Variants in COL6A6 observed in about 807,000 individuals in gnomAD.
COL6A6 encodes the protein collagen alpha-6(VI) chain.
Under a neutral mutation model 208.6 loss-of-function variants are expected in COL6A6, and 183 were observed. The ratio of observed to expected loss-of-function variants is 0.88; its 90% CI spans 0.78 to 0.99. The LOEUF (loss-of-function observed/expected upper bound fraction) is 0.99, where lower values mean the gene tolerates loss of function less well. COL6A6 is among the 50% of genes least tolerant of loss of function. The pLI is 0.00. For synonymous variants in COL6A6, 973 were observed against 1,011.8 expected, an observed-to-expected ratio of 0.96 and a Z score of 0.73; for missense variants, 2,816 against 2,815.2, an observed-to-expected ratio of 1.00 and a Z score of -0.01.
At chr3:130,604,490 G>T (rs1302827072) in intron 20 of COL6A6, among the ~76,000 whole-genome samples, 1 of 137,206 alleles carries the variant, frequency 7.3e-6, no homozygotes, top group Non-Finnish European at 1.5e-5. Context: ...GCGAGACTCC[G>T]TCTCAAAAAA....
Position 130,610,686 on chromosome 3 carries a change from G to A in COL6A6, c.4790G>A (p.Gly1597Glu). 2 of 1,591,772 alleles carry A rather than the reference G, an allele frequency of 1.3e-6. No individual in the cohort carries two copies. The highest frequency in any genetic ancestry group is 1.7e-6 in the Non-Finnish European group (2 of 1,168,398). Residue 1597 changes from glycine (G) to glutamate (E), a missense_variant, in exon 23 of 37, where the codon GGA (glycine) becomes GAA (glutamate). By Grantham distance (98) the Gly-to-Glu change is moderately conservative. Transcript: ENST00000358511. Reference protein sequence around the residue: ...RGEAGVKGEKGGVGSKGPQGP... With the variant: ...RGEAGVKGEKEGVGSKGPQGP... Reference sequence around the variant, plus strand: ...GAGGCTGGTGTGAAAGGAGAAAAAGGAGGTGTGGGAAGTAAAGGTCCCCAG... The same window carrying A: ...GAGGCTGGTGTGAAAGGAGAAAAAGAAGGTGTGGGAAGTAAAGGTCCCCAG...
chr3:130,653,796 G>A (rs2065711204), intron 33 of COL6A6, among the ~76,000 whole-genome samples: 1 of 152,126 alleles, frequency 6.6e-6, no homozygotes, highest in Admixed American at 6.5e-5. Flanking sequence ...TTGACTGAAA[G>A]ATTACTTGGT....
intron 1 of COL6A6, among the ~76,000 whole-genome samples, chr3:130,541,421 G>T (rs1162422993): frequency 6.6e-6 from 1 of 152,172 alleles, no homozygotes; most frequent in East Asian, 1.9e-4. Flanking sequence ...CCAAGTTTAG[G>T]CAATTACTAA....
intron 1 of COL6A6, among the ~76,000 whole-genome samples, chr3:130,519,867 C>A (rs1022455946): frequency 1.3e-5 from 2 of 152,160 alleles, no homozygotes; most frequent in Non-Finnish European, 2.9e-5. Flanking sequence ...CTATTGAGCC[C>A]AATTTTATCC....
intron 36 of COL6A6, among the ~76,000 whole-genome samples, chr3:130,669,713 A>T (rs2066163932): frequency 1.3e-5 from 2 of 152,218 alleles, no homozygotes; most frequent in Non-Finnish European, 2.9e-5. Flanking sequence ...AATATTTTTT[A>T]AAAATTAAGA....
In COL6A6 at chr3:130,624,066, C is replaced by T. The variant is rs114951829; in HGVS notation, c.4878+2183C>T. On this transcript the variant is annotated intron_variant, in intron 24 of 36. Transcript: ENST00000358511. ...GGACTGCAAAGGACCGAGAAATGTG[C>T]GAGGAGAAAATGGATAAAAAGCTGT... Among the ~76,000 whole-genome samples, 579 of 151,714 alleles carry T rather than the reference C, an allele frequency of 3.8e-3. 5 individuals are homozygous for T. Among genetic ancestry groups the T allele is most frequent in the African/African-American group, 0.013 (554 of 41,342 alleles).
intron 20 of COL6A6, among the ~76,000 whole-genome samples, chr3:130,603,615 C>T (rs1449914597): frequency 1.3e-5 from 2 of 152,282 alleles, no homozygotes; most frequent in South Asian, 2.1e-4. Flanking sequence ...TAATGAGAAG[C>T]AACTGTAGCC....
chr3:130,675,239 GATGT>G lies in COL6A6; in HGVS notation c.6637_6640del (p.Val2213TyrfsTer16). 6.3e-7 allele frequency: 1 copy of G among 1,586,816 alleles called. No homozygotes were observed. The highest frequency in any genetic ancestry group is 2.3e-5 in the East Asian group (1 of 44,244). On this transcript the variant is annotated frameshift_variant, in exon 37 of 37. Coordinates refer to ENST00000358511, the MANE Select transcript of COL6A6 (RefSeq NM_001102608.3). LOFTEE classifies it low-confidence loss of function (END_TRUNC). ...ACCACTTAAAGCTACCCTCAAAGAA[GATGT>G]ATTACAGAAGGCAAAATTCTTTCAA...
In COL6A6 at chr3:130,608,947, G is replaced by T; in HGVS notation, c.4735G>T (p.Gly1579Ter). The change falls in exon 22 of 37, where the codon GGA becomes TGA. Residue 1579 changes from glycine (G) to a stop codon, truncating the protein, a stop_gained. Transcript: ENST00000358511. LOFTEE classifies it high-confidence loss of function. ...ACCAGATGGACTTGAAGGCTCCCTG[G>T]GACTTAAGGGCCCTCAGGTACATAT... ...PGPDGLEGSLGLKGPQGPRGE... is the reference protein window; with the variant it reads ...PGPDGLEGSL 1.2e-6 allele frequency: 2 copies of T among 1,612,802 alleles called. No homozygotes were observed. Among genetic ancestry groups the T allele is most frequent in the Non-Finnish European group, 1.7e-6 (2 of 1,179,256 alleles).
chr3:130,638,409 C>T (rs764088576), intron 28 of COL6A6, among the ~76,000 whole-genome samples: 6 of 152,182 alleles, frequency 3.9e-5, no homozygotes, highest in Non-Finnish European at 5.9e-5. Context: ...AACTTAATCC[C>T]AACGCAGAGC....
intron 20 of COL6A6, among the ~76,000 whole-genome samples, chr3:130,605,792 G>A (rs944813826): frequency 1.3e-5 from 2 of 152,198 alleles, no homozygotes; most frequent in African/African-American, 4.8e-5. Context: ...CCATGTGGCT[G>A]GGGAGGCCCC....
intron 36 of COL6A6, among the ~76,000 whole-genome samples, chr3:130,673,295 A>C (rs965328027): frequency 2.0e-5 from 3 of 151,996 alleles, no homozygotes; most frequent in African/African-American, 7.2e-5. Flanking sequence ...ATATGGTATT[A>C]ATGTTCAACC....
chr3:130,552,142 A>G (rs1045761727), intron 1 of COL6A6, among the ~76,000 whole-genome samples: 1 of 152,128 alleles, frequency 6.6e-6, no homozygotes, highest in Non-Finnish European at 1.5e-5. Flanking sequence ...AGTTCTATGT[A>G]TGTCTATTAG....
chr3:130,538,542 C>G lies in COL6A6; in HGVS notation c.-32+21145C>G, dbSNP rs549872462. Among the ~76,000 whole-genome samples the G allele has an allele frequency of 3.9e-5, 6 of 152,282 alleles. No individual in the cohort carries two copies. The South Asian group carries it at 1.0e-3, about 26-fold the overall frequency. On this transcript the variant is annotated intron_variant, in intron 1 of 36. Transcript: ENST00000358511. ...GTTTACACACATCAGTTCATTTAACCCCCAAAACAATTCCTTGAAGTGGAT... is the reference window on the plus strand; with the variant it reads ...GTTTACACACATCAGTTCATTTAACGCCCAAAACAATTCCTTGAAGTGGAT...
At chr3:130,600,312 C>A (rs1319033204) in intron 20 of COL6A6, among the ~76,000 whole-genome samples, 13 of 152,126 alleles carry the variant, frequency 8.5e-5, no homozygotes, top group Non-Finnish European at 1.3e-4. Context: ...TATGACAATT[C>A]CTCAAGGATC....
intron 1 of COL6A6, among the ~76,000 whole-genome samples, chr3:130,559,426 G>A (rs937590156): frequency 6.6e-6 from 1 of 152,156 alleles, no homozygotes; most frequent in African/African-American, 2.4e-5. Context: ...AAACAGGGAT[G>A]GAACTTCTCA....
chr3:130,622,400 A>T (rs1212703623), intron 24 of COL6A6, among the ~76,000 whole-genome samples: 1 of 152,146 alleles, frequency 6.6e-6, no homozygotes, highest in Non-Finnish European at 1.5e-5. Flanking sequence ...GTAAATATTG[A>T]ATAAATGAAT....
Position 130,563,568 on chromosome 3 carries a change from G to A in COL6A6, c.565G>A (p.Val189Ile), listed in dbSNP as rs543636468. The part of the protein sequence containing the change: ...TSQFHFNLRT[V>I]RDLSMFSQNM... The stretch of plus-strand genomic sequence containing the variant: ...TCAGTTTCATTTCAACCTTCGGACA[G>A]TCAGAGACCTCAGCATGTTTTCCCA... The change falls in exon 3 of 37, where the codon GTC becomes ATC. Residue 189 changes from valine (V) to isoleucine (I), a missense_variant. Coordinates refer to ENST00000358511, the MANE Select transcript of COL6A6 (RefSeq NM_001102608.3). 1.2e-6 allele frequency: 2 copies of A among 1,614,012 alleles called. No homozygotes were observed. Among genetic ancestry groups the A allele is most frequent in the East Asian group, 4.5e-5 (2 of 44,888 alleles).
At chr3:130,653,239 C>A (rs544716854) in intron 33 of COL6A6, among the ~76,000 whole-genome samples, 18 of 152,122 alleles carry the variant, frequency 1.2e-4, no homozygotes, top group Non-Finnish European at 2.5e-4. Context: ...AGAAATATGT[C>A]TTTTAGCTAG....
Sources: allele counts gnomAD v4.1 joint callset (sites outside exome capture counted in the v4.1 genomes callset), GRCh38; gene constraint gnomAD v4.1.1; transcripts MANE v1.5; gene names NCBI Gene and HGNC (gene_info 2026-07-23, HGNC 2026-07-21).